DOCK1: variants seen among roughly 807,000 people sequenced by gnomAD.
DOCK1 encodes the protein dedicator of cytokinesis 1, also known as dedicator of cytokinesis protein 1.
DOCK1 carries 138 observed loss-of-function variants against 262.7 expected under a neutral mutation model. The observed-to-expected ratio is 0.53, with a 90% CI of 0.46 to 0.61. The LOEUF (loss-of-function observed/expected upper bound fraction) is 0.61, where lower values mean the gene tolerates loss of function less well. DOCK1 is among the 20% of genes least tolerant of loss of function. The probability of loss-of-function intolerance (pLI) is 0.00; values close to 1 mark genes in which losing one functional copy is unlikely to be tolerated. For missense variants in DOCK1, 1,908 were observed against 2,370.7 expected (o/e 0.80, Z 4.05); for synonymous variants, 866 against 867.4 (o/e 1.00, Z 0.03).
At chr10:127,292,229 A>C (rs7914531) in intron 29 of DOCK1, among the ~76,000 whole-genome samples, 2 of 146,098 alleles carry the variant, frequency 1.4e-5, no homozygotes, top group African/African-American at 5.5e-5. Flanking sequence ...TTTTCGGGGG[A>C]GGGGGGGCCC....
chr10:127,282,225 C>G (rs1025434819), intron 29 of DOCK1, among the ~76,000 whole-genome samples: 1 of 151,948 alleles, frequency 6.6e-6, no homozygotes, highest in Non-Finnish European at 1.5e-5. Flanking sequence ...CTCTTTCTCT[C>G]TCTCTCTCTC....
rs1161315852 is a variant in DOCK1, at chr10:126,970,724, A to T, written c.69A>T (p.Arg23Ser). 8 of 1,612,998 alleles carry T rather than the reference A, an allele frequency of 5.0e-6. No homozygotes were observed. The highest frequency in any genetic ancestry group is 6.8e-6 in the Non-Finnish European group (8 of 1,179,188). Residue 23 changes from arginine to serine, a missense_variant, in exon 2 of 52, where the codon AGA becomes AGT. Arg to Ser is a moderately radical substitution (Grantham distance 110). Around this residue, in one of 9 missense-constraint regions of DOCK1, gnomAD observed 227 missense variants for 254.1 expected, o/e 0.89. Coordinates refer to ENST00000623213, the MANE Select transcript of DOCK1 (RefSeq NM_001290223.2). ...CAGCTTTTTATAACTATGATGCCAG[A>T]GGAGCGGATGAACTTTCTTTACAGA... The part of the protein sequence containing the change: ...YGVAFYNYDA[R>S]GADELSLQIG...
chr10:127,245,853 G>T (rs1054839509), intron 27 of DOCK1, among the ~76,000 whole-genome samples: 1 of 152,156 alleles, frequency 6.6e-6, no homozygotes, highest in Non-Finnish European at 1.5e-5. Context: ...ATAAATAGCT[G>T]ACTTTGTGAT....
In DOCK1 at chr10:127,179,362, C is replaced by T. The variant is rs1051191481; in HGVS notation, c.2847+51598C>T. 7.2e-5 allele frequency among the ~76,000 whole-genome samples: 11 copies of T among 152,092 alleles called. No individual in the cohort carries two copies. The South Asian group carries it at 1.0e-3, about 14-fold the overall frequency. ...GGTTGCTGGTACATAAAAATCATTT[C>T]GTTGTTAGTAAAAAAATGATGGTAA... On this transcript the variant is annotated intron_variant, in intron 27 of 51. Coordinates refer to ENST00000623213, the MANE Select transcript of DOCK1 (RefSeq NM_001290223.2).
intron 37 of DOCK1, among the ~76,000 whole-genome samples, chr10:127,382,833 T>A (rs1218305707): frequency 1.3e-5 from 2 of 152,260 alleles, no homozygotes; most frequent in Non-Finnish European, 2.9e-5. Flanking sequence ...ATCATTTGTT[T>A]AATCATTGGA....
chr10:127,429,040 T>TGTGGATTGGGATGC (rs2069087633), intron 47 of DOCK1, among the ~76,000 whole-genome samples: 1 of 43,390 alleles, frequency 2.3e-5, no homozygotes, highest in Non-Finnish European at 4.8e-5. Context: ...GATTGGGGTG[T>TGTGGATTGGGATGC]CATGTGGATT....
chr10:127,384,376 G>A (rs922751072), intron 37 of DOCK1, among the ~76,000 whole-genome samples: 7 of 152,152 alleles, frequency 4.6e-5, no homozygotes, highest in African/African-American at 1.7e-4. Context: ...CCCTTTCTGG[G>A]TGACTTGTGT....
intron 23 of DOCK1, among the ~76,000 whole-genome samples, chr10:127,070,571 GAC>G (rs778992500): frequency 1.1e-4 from 16 of 151,814 alleles, no homozygotes; most frequent in Non-Finnish European, 2.2e-4. Flanking sequence ...CCTTTTGAAG[GAC>G]ACAGTTTCAC....
At chr10:127,087,569 G>A (rs2047271404) in intron 23 of DOCK1, among the ~76,000 whole-genome samples, 1 of 152,048 alleles carries the variant, frequency 6.6e-6, no homozygotes, top group Non-Finnish European at 1.5e-5. Context: ...CCTGGGGTGG[G>A]CGAGGGAGAC....
At chr10:126,942,327 T>C (rs1296860355) in intron 1 of DOCK1, among the ~76,000 whole-genome samples, 3 of 152,150 alleles carry the variant, frequency 2.0e-5, no homozygotes, top group Non-Finnish European at 2.9e-5. Flanking sequence ...CCAGCCGATA[T>C]TTGCTCATTT....
intron 47 of DOCK1, 66 bp downstream of exon 47, chr10:127,426,077 G>A (rs2068795402): frequency 2.5e-6 from 4 of 1,604,610 alleles, no homozygotes; most frequent in Non-Finnish European, 3.4e-6. Flanking sequence ...GTTGAACAGG[G>A]ACAAGCTTCC....
At chr10:126,963,657 T>C (rs1286018057) in intron 1 of DOCK1, among the ~76,000 whole-genome samples, 1 of 116,430 alleles carries the variant, frequency 8.6e-6, no homozygotes, top group African/African-American at 3.0e-5. Context: ...CTTCCTTCCT[T>C]CCTTCCTTCC....
intron 23 of DOCK1, among the ~76,000 whole-genome samples, chr10:127,097,443 C>T (rs2047978810): frequency 6.6e-6 from 1 of 152,200 alleles, no homozygotes; most frequent in South Asian, 2.1e-4. Flanking sequence ...CTGTGGCTTG[C>T]TGGCTTTCCA....
chr10:127,408,898 AT>A lies in DOCK1; in HGVS notation c.4123-138del. 3 of 1,163,718 alleles carry A rather than the reference AT, an allele frequency of 2.6e-6. No homozygotes were observed. In the East Asian group the frequency reaches 7.8e-5, roughly 30 times the overall value. 72.1% of individuals were successfully genotyped at this position (1,163,718 alleles called of 1,614,324 possible). A position where few individuals can be genotyped will look rare whatever the true frequency, so the allele number is the denominator to read the frequency against. ...AAAGCCAACGCAAGTACAAAAAAAA[AT>A]AAAAATTACAAGTTGTTCTTAAATT... On this transcript the variant is annotated intron_variant, in intron 40 of 51. Transcript: ENST00000623213.
At chr10:127,226,609 T>C (rs2134500193) in intron 27 of DOCK1, among the ~76,000 whole-genome samples, 1 of 152,144 alleles carries the variant, frequency 6.6e-6, no homozygotes, top group African/African-American at 2.4e-5. Context: ...CTGGGCATGG[T>C]GGTGCGTGCC....
chr10:127,169,953 C>T (rs569553696), intron 27 of DOCK1, among the ~76,000 whole-genome samples: 7 of 152,218 alleles, frequency 4.6e-5, no homozygotes, highest in Middle Eastern at 3.4e-3. Context: ...TGAACACCAC[C>T]GTAAGCGGCA....
At chr10:127,294,774 A>G (rs906268919) in intron 29 of DOCK1, among the ~76,000 whole-genome samples, 1 of 151,766 alleles carries the variant, frequency 6.6e-6, no homozygotes, top group African/African-American at 2.4e-5. Flanking sequence ...TCAGCCTCCC[A>G]AGTAGCTGGG....
At chr10:126,963,239 A>AGG (rs2037362902) in intron 1 of DOCK1, among the ~76,000 whole-genome samples, 1 of 152,154 alleles carries the variant, frequency 6.6e-6, no homozygotes, top group Non-Finnish European at 1.5e-5. Context: ...GGAAAGTGTC[A>AGG]TTGGGATTTT....
chr10:127,306,763 G>C (rs1401807707), intron 29 of DOCK1, among the ~76,000 whole-genome samples: 2 of 152,166 alleles, frequency 1.3e-5, no homozygotes, highest in Non-Finnish European at 2.9e-5. Context: ...CTCTGTGATA[G>C]TTTTTCAGCT....
Sources: allele counts gnomAD v4.1 joint callset (sites outside exome capture counted in the v4.1 genomes callset), GRCh38; gene constraint gnomAD v4.1.1; regional missense constraint gnomAD v4.1.1; transcripts MANE v1.5; gene names NCBI Gene and HGNC (gene_info 2026-07-23, HGNC 2026-07-21).